Variants in SGIP1 observed in about 807,000 individuals in gnomAD.
SGIP1 encodes the protein SH3GL interacting endocytic adaptor 1, also known as SH3-containing GRB2-like protein 3-interacting protein 1.
Under a neutral mutation model 107.5 loss-of-function variants are expected in SGIP1, and 38 were observed. That is an observed-to-expected ratio of 0.35 (90% CI 0.27 to 0.46). SGIP1 has a LOEUF of 0.46. Ranked by LOEUF, SGIP1 falls within the 20% of genes least tolerant of loss-of-function variation. The pLI, the probability that SGIP1 is intolerant of heterozygous loss-of-function variation, is 1.00. For missense variants in SGIP1, 929 were observed against 1,019.5 expected (o/e 0.91, Z 1.21); for synonymous variants, 365 against 366.1 (o/e 1.00, Z 0.03).
At chr1:66,585,093 T>G (rs1007041879) in intron 1 of SGIP1, among the ~76,000 whole-genome samples, 3 of 152,228 alleles carry the variant, frequency 2.0e-5, no homozygotes, top group South Asian at 2.1e-4. Context: ...CATAATTATT[T>G]CTTCCCTCTG....
At chr1:66,616,888 A>AT (rs2069459410) in intron 1 of SGIP1, among the ~76,000 whole-genome samples, 1 of 152,226 alleles carries the variant, frequency 6.6e-6, no homozygotes, top group East Asian at 1.9e-4. Flanking sequence ...CTCAGCATGA[A>AT]TTTTTTTGTA....
At chr1:66,602,307 C>A (rs777316904) in intron 1 of SGIP1, among the ~76,000 whole-genome samples, 8 of 152,150 alleles carry the variant, frequency 5.3e-5, no homozygotes, top group Non-Finnish European at 1.0e-4. Context: ...AGCCATGGAG[C>A]AGTTGCCTTA....
chr1:66,713,179 C>A (rs974316688), intron 18 of SGIP1, among the ~76,000 whole-genome samples: 3 of 152,100 alleles, frequency 2.0e-5, no homozygotes, highest in Non-Finnish European at 4.4e-5. Flanking sequence ...TTGAAACCTC[C>A]ATTTTCTCAT....
At chr1:66,677,798 C>A (rs1374906823) in intron 13 of SGIP1, among the ~76,000 whole-genome samples, 1 of 152,118 alleles carries the variant, frequency 6.6e-6, no homozygotes, top group Non-Finnish European at 1.5e-5. Flanking sequence ...CTGAAGCATG[C>A]CTGTGGAAAG....
At chr1:66,581,475 T>C (rs2061815339) in intron 1 of SGIP1, among the ~76,000 whole-genome samples, 1 of 152,012 alleles carries the variant, frequency 6.6e-6, no homozygotes, top group African/African-American at 2.4e-5. Context: ...TAAAATATAG[T>C]TTTTATTACA....
intron 17 of SGIP1, among the ~76,000 whole-genome samples, chr1:66,690,979 A>G (rs1257301124): frequency 2.6e-5 from 4 of 152,126 alleles, no homozygotes; most frequent in African/African-American, 9.7e-5. Context: ...CAAGGTTTCA[A>G]TGCTTCATTT....
chr1:66,621,523 T>C (rs949344279), intron 1 of SGIP1, among the ~76,000 whole-genome samples: 1 of 152,214 alleles, frequency 6.6e-6, no homozygotes, highest in Non-Finnish European at 1.5e-5. Context: ...CTCAATGTCA[T>C]GCAACATAAC....
intron 1 of SGIP1, among the ~76,000 whole-genome samples, chr1:66,593,637 G>A (rs1165974762): frequency 2.0e-5 from 3 of 152,200 alleles, no homozygotes; most frequent in Admixed American, 6.5e-5. Context: ...GCAGGCACAG[G>A]GGCTCATGCC....
intron 7 of SGIP1, among the ~76,000 whole-genome samples, chr1:66,657,485 G>T (rs969901596): frequency 2.0e-5 from 3 of 152,076 alleles, no homozygotes; most frequent in African/African-American, 7.2e-5. Context: ...ATTTTGAATT[G>T]GTTTCTAACC....
In SGIP1 at chr1:66,746,005, AAAAG is replaced by A. The variant is rs767186873; in HGVS notation, c.*2917_*2920del. 6 of 152,158 alleles carry A rather than the reference AAAAG, an allele frequency of 3.9e-5. No homozygotes were observed. The highest frequency in any genetic ancestry group is 5.9e-5 in the Non-Finnish European group (4 of 67,986). 9.4% of individuals were successfully genotyped at this position (152,158 alleles called of 1,614,324 possible). A position where few individuals can be genotyped will look rare whatever the true frequency, so the allele number is the denominator to read the frequency against. Reference sequence around the variant, plus strand: ...GTATTTGGGAATATATTTCACCTGTAAAAGAAAGAATGTCCACAATTCAAACGGT... The same window carrying A: ...GTATTTGGGAATATATTTCACCTGTAAAAGAATGTCCACAATTCAAACGGT... On this transcript the variant is annotated 3_prime_UTR_variant, in exon 25 of 25. Transcript: ENST00000371037.
rs548140689 is a variant in SGIP1 at position 66,656,532 on chromosome 1, A to G, written c.460-3981A>G. On this transcript the variant is annotated intron_variant, in intron 7 of 24. Coordinates refer to ENST00000371037, the MANE Select transcript of SGIP1 (RefSeq NM_032291.4). ...TAATGCATTGCACTATGACATCACT[A>G]GGCAATAGAAATTTTTCAACTCTGT... 2.2e-4 allele frequency among the ~76,000 whole-genome samples: 34 copies of G among 152,328 alleles called. 1 individual carries two copies. The South Asian group carries it at 2.7e-3, about 12-fold the overall frequency.
chr1:66,609,785 T>C (rs2067578711), intron 1 of SGIP1, among the ~76,000 whole-genome samples: 1 of 152,230 alleles, frequency 6.6e-6, no homozygotes, highest in African/African-American at 2.4e-5. Context: ...ATTCAGCATA[T>C]AATTTATCTT....
rs78180457 is a variant in SGIP1, at chr1:66,615,711, T to C, written c.11-10136T>C. 6.6e-4 allele frequency among the ~76,000 whole-genome samples: 101 copies of C among 152,324 alleles called. No individual in the cohort carries two copies. In the East Asian group the frequency reaches 0.018, roughly 28 times the overall value. The stretch of plus-strand genomic sequence containing the variant: ...TCTGTTTATGCCTAAAAAGTCTATC[T>C]GAGAAGGACCATTAATTTAAATGCT... On this transcript the variant is annotated intron_variant, in intron 1 of 24. Coordinates refer to ENST00000371037, the MANE Select transcript of SGIP1 (RefSeq NM_032291.4).
At chr1:66,675,120 A>G (rs1022715137) in intron 12 of SGIP1, among the ~76,000 whole-genome samples, 1 of 152,196 alleles carries the variant, frequency 6.6e-6, no homozygotes, top group Non-Finnish European at 1.5e-5. Flanking sequence ...TGGAGACGGG[A>G]TTTGATTTGT....
rs1449777207 is a variant in SGIP1 at position 66,749,645 on chromosome 1, T to C, written c.*6550T>C. Among the ~76,000 whole-genome samples the C allele has an allele frequency of 6.6e-6, 1 of 152,118 alleles. No individual in the cohort carries two copies. ...TCCATCCAGAGTTTGTGAATCAGCC[T>C]GATAGATCATAAGCCATTTATAATT... is the stretch of plus-strand genomic sequence containing the variant. On this transcript the variant is annotated 3_prime_UTR_variant, in exon 25 of 25. Transcript: ENST00000371037.
At position 66,733,817 on chromosome 1, in the gene SGIP1, A is replaced by G; in HGVS notation, c.1968A>G (p.Leu656=). 6.2e-7 allele frequency: 1 copy of G among 1,613,666 alleles called. No homozygotes were observed. ...WVNMPNLMTH[L]KKVSEQKPQA... ...ACATGCCAAATTTGATGACTCACCT[A>G]AAGAAAGTGTCTGAACAAAAACCCC... Residue 656 remains leucine (L), a synonymous_variant, in exon 21 of 25, where the codon CTA becomes CTG. Coordinates refer to ENST00000371037, the MANE Select transcript of SGIP1 (RefSeq NM_032291.4).
intron 7 of SGIP1, among the ~76,000 whole-genome samples, chr1:66,659,642 G>A (rs2080487974): frequency 6.6e-6 from 1 of 152,120 alleles, no homozygotes; most frequent in Non-Finnish European, 1.5e-5. Context: ...AGGCACGGTG[G>A]TTTACACCTG....
chr1:66,567,095 T>C (rs2059757665), intron 1 of SGIP1, among the ~76,000 whole-genome samples: 1 of 152,062 alleles, frequency 6.6e-6, no homozygotes, highest in Non-Finnish European at 1.5e-5. Flanking sequence ...CCACATTTTC[T>C]TTATCCAGTC....
chr1:66,748,197 A>G lies in SGIP1; in HGVS notation c.*5102A>G, dbSNP rs1380371902. On this transcript the variant is annotated 3_prime_UTR_variant, in exon 25 of 25. Transcript: ENST00000371037. ...CCATTCTCTCACTTATGAATTAAAT[A>G]TGGCTACCATTAATGTTCCTTTTTG... The G allele has an allele frequency of 6.6e-6, 1 of 151,970 alleles. No homozygotes were observed. Among genetic ancestry groups the G allele is most frequent in the Non-Finnish European group, 1.5e-5 (1 of 67,862 alleles). The allele number at this position is 151,970 out of a possible 1,614,324, so 9.4% of individuals were successfully genotyped here.
Sources: gnomAD v4.1 joint callset for allele counts (sites outside exome capture counted in the v4.1 genomes callset) on GRCh38, gnomAD v4.1.1 for gene constraint, MANE v1.5 for transcripts, NCBI Gene and HGNC (gene_info 2026-07-23, HGNC 2026-07-21) for gene names.